The following SLFN12L variants were observed in gnomAD, a reference collection of about 807,000 sequenced individuals.
SLFN12L encodes the protein schlafen family member 12 like, also known as schlafen family member 12-like.
Under a neutral mutation model 34.8 loss-of-function variants are expected in SLFN12L, and 34 were observed. That is an observed-to-expected ratio of 0.98 (90% CI 0.74 to 1.30). The LOEUF (loss-of-function observed/expected upper bound fraction) is 1.30, where lower values mean the gene tolerates loss of function less well. Ranked by LOEUF, SLFN12L falls within the 50% of genes most tolerant of loss-of-function variation. The probability of loss-of-function intolerance (pLI) is 0.00; values close to 1 mark genes in which losing one functional copy is unlikely to be tolerated. For synonymous variants in SLFN12L, 259 were observed against 247.5 expected (o/e 1.05, Z -0.44); for missense variants, 703 against 696.2 (o/e 1.01, Z -0.11).
rs9892966 is a variant in SLFN12L, at chr17:35,474,650, G to A, written c.*273C>T. 7.8e-3 allele frequency: 2,420 copies of A among 309,432 alleles called. 63 individuals carry two copies. Among genetic ancestry groups the A allele is most frequent in the African/African-American group, 0.049 (2,168 of 44,492 alleles). The allele number at this position is 309,432 out of a possible 1,614,324, so 19.2% of individuals were successfully genotyped here. On this transcript the variant is annotated 3_prime_UTR_variant, in exon 5 of 5. Coordinates refer to ENST00000628453, the MANE Select transcript of SLFN12L (RefSeq NM_001363830.2). ...AAGAATTGATTCTCCAGCCGGGCGC[G>A]GTGGCTCACATCTGTACTCCTAGCA...
At chr17:35,477,416 A>C (rs923846527) in intron 4 of SLFN12L, among the ~76,000 whole-genome samples, 1 of 152,198 alleles carries the variant, frequency 6.6e-6, no homozygotes, top group Non-Finnish European at 1.5e-5. Flanking sequence ...AAAATTTTTA[A>C]ATGGCAAGTT....
rs1469426736 is a variant in SLFN12L at position 35,522,763 on chromosome 17, G to A, written c.-399C>T. On this transcript the variant is annotated 5_prime_UTR_variant, in exon 2 of 5. Coordinates refer to ENST00000628453, the MANE Select transcript of SLFN12L (RefSeq NM_001363830.2). ...AGTGCAGTAGTCCTGGCCCTGCCAG[G>A]GCTGTTCTATGCTATCAGCAGAGCA... is the stretch of plus-strand genomic sequence containing the variant. 2 of 1,606,088 alleles carry A rather than the reference G, an allele frequency of 1.2e-6. No individual in the cohort carries two copies. Among genetic ancestry groups the A allele is most frequent in the Non-Finnish European group, 1.7e-6 (2 of 1,174,000 alleles).
chr17:35,532,422 A>C (rs2072420225), intron 1 of SLFN12L, among the ~76,000 whole-genome samples: 1 of 147,654 alleles, frequency 6.8e-6, no homozygotes, highest in South Asian at 2.2e-4. Context: ...CCTGTGCAAA[A>C]GGGAGTGAGA....
chr17:35,464,860 GT>G lies in SLFN12L; in HGVS notation c.*10062del, dbSNP rs1567633916. Among the ~76,000 whole-genome samples the G allele has an allele frequency of 6.6e-6, 1 of 151,988 alleles. No homozygotes were observed. The highest frequency in any genetic ancestry group is 2.4e-5 in the African/African-American group (1 of 41,372). On this transcript the variant is annotated 3_prime_UTR_variant, in exon 5 of 5. Coordinates refer to ENST00000628453, the MANE Select transcript of SLFN12L (RefSeq NM_001363830.2). ...TCGTGATTGGGTTTAGAACTGTAAGGTTTTTTGTTTTCTGTTTTTTGCTTTT... is the reference window on the plus strand; with the variant it reads ...TCGTGATTGGGTTTAGAACTGTAAGGTTTTTGTTTTCTGTTTTTTGCTTTT...
chr17:35,464,861 T>C lies in SLFN12L; in HGVS notation c.*10062A>G, dbSNP rs1400168975. On this transcript the variant is annotated 3_prime_UTR_variant, in exon 5 of 5. Coordinates refer to ENST00000628453, the MANE Select transcript of SLFN12L (RefSeq NM_001363830.2). ...CGTGATTGGGTTTAGAACTGTAAGG[T>C]TTTTTGTTTTCTGTTTTTTGCTTTT... Among the ~76,000 whole-genome samples, 1 of 151,780 alleles carries C rather than the reference T, an allele frequency of 6.6e-6. No individual in the cohort carries two copies. Among genetic ancestry groups the C allele is most frequent in the Admixed American group, 6.6e-5 (1 of 15,202 alleles).
intron 1 of SLFN12L, among the ~76,000 whole-genome samples, chr17:35,529,620 C>G (rs948847872): frequency 6.6e-6 from 1 of 151,624 alleles, no homozygotes; most frequent in Non-Finnish European, 1.5e-5. Context: ...CACATGTTCT[C>G]TCTCATAAGT....
intron 2 of SLFN12L, among the ~76,000 whole-genome samples, chr17:35,489,684 C>A (rs1229789951): frequency 6.6e-6 from 1 of 152,142 alleles, no homozygotes; most frequent in Admixed American, 6.5e-5. Flanking sequence ...GGCCTATTCA[C>A]TGCATTAATG....
intron 2 of SLFN12L, chr17:35,498,697 A>G: frequency 6.4e-7 from 1 of 1,572,718 alleles, no homozygotes; most frequent in Non-Finnish European, 8.6e-7. Context: ...TTCCTAGATA[A>G]CAATTACGTG....
At position 35,474,753 on chromosome 17, in the gene SLFN12L, A is replaced by T; in HGVS notation, c.*170T>A. 1.9e-6 allele frequency: 1 copy of T among 529,924 alleles called. No homozygotes were observed. The highest frequency in any genetic ancestry group is 3.1e-6 in the Non-Finnish European group (1 of 321,964). The allele number at this position is 529,924 out of a possible 1,614,324, so 32.8% of individuals were successfully genotyped here. Reference sequence around the variant, plus strand: ...AGCCTGGCCAAGACGGTGAAACCCCATCTCTGCTAAAAATACAAAAAAAAA... The same window carrying T: ...AGCCTGGCCAAGACGGTGAAACCCCTTCTCTGCTAAAAATACAAAAAAAAA... On this transcript the variant is annotated 3_prime_UTR_variant, in exon 5 of 5. Coordinates refer to ENST00000628453, the MANE Select transcript of SLFN12L (RefSeq NM_001363830.2).
intron 2 of SLFN12L, among the ~76,000 whole-genome samples, chr17:35,516,302 T>C (rs1915828225): frequency 6.6e-6 from 1 of 152,156 alleles, no homozygotes. Context: ...ATTTTCCAGC[T>C]CCCCAGCATA....
chr17:35,468,815 A>C lies in SLFN12L; in HGVS notation c.*6108T>G, dbSNP rs1343026689. ...CAGGACTGCTTAATCCCAGGAGTTCAAACCAGCCTGGGCAACATGGGGAGA... is the reference window on the plus strand; with the variant it reads ...CAGGACTGCTTAATCCCAGGAGTTCCAACCAGCCTGGGCAACATGGGGAGA... On this transcript the variant is annotated 3_prime_UTR_variant, in exon 5 of 5. Transcript: ENST00000628453. Among the ~76,000 whole-genome samples, 5 of 152,130 alleles carry C rather than the reference A, an allele frequency of 3.3e-5. No homozygotes were observed. The highest frequency in any genetic ancestry group is 1.9e-4 in the East Asian group (1 of 5,188).
intron 2 of SLFN12L, chr17:35,498,448 G>T: frequency 7.6e-7 from 1 of 1,311,788 alleles, no homozygotes. Flanking sequence ...GGACGACTGC[G>T]GAATTTTCTC....
chr17:35,476,324 G>A (rs887712573), intron 4 of SLFN12L, among the ~76,000 whole-genome samples: 1 of 152,046 alleles, frequency 6.6e-6, no homozygotes, highest in African/African-American at 2.4e-5. Context: ...ACTAGGGCTG[G>A]GTGTGGTGGC....
chr17:35,480,247 C>G (rs1914274447), intron 2 of SLFN12L, 52 bp from the exon 3 acceptor site: 1 of 1,381,532 alleles, frequency 7.2e-7, no homozygotes, highest in African/African-American at 1.5e-5. Context: ...ACAGCAAATT[C>G]TGCATTATGA....
chr17:35,482,320 C>T (rs1350083170), intron 2 of SLFN12L, among the ~76,000 whole-genome samples: 1 of 152,154 alleles, frequency 6.6e-6, no homozygotes, highest in East Asian at 1.9e-4. Flanking sequence ...GATTAGTGCT[C>T]TTCTAAAAGG....
intron 2 of SLFN12L, among the ~76,000 whole-genome samples, chr17:35,512,749 G>T (rs1915694456): frequency 6.6e-6 from 1 of 152,234 alleles, no homozygotes; most frequent in Admixed American, 6.5e-5. Context: ...ATAAGAAAAT[G>T]CACTTGGCTT....
intron 2 of SLFN12L, among the ~76,000 whole-genome samples, chr17:35,488,789 G>A (rs1299796167): frequency 6.6e-6 from 1 of 152,168 alleles, no homozygotes. Context: ...TATATAGCTG[G>A]CCGGGCGCGG....
At chr17:35,489,560 T>C (rs1293625097) in intron 2 of SLFN12L, among the ~76,000 whole-genome samples, 1 of 151,834 alleles carries the variant, frequency 6.6e-6, no homozygotes, top group African/African-American at 2.4e-5. Context: ...TCCGTATATA[T>C]ATGTACATAT....
chr17:35,535,952 G>A (rs1297463601), intron 1 of SLFN12L, among the ~76,000 whole-genome samples: 4 of 142,506 alleles, frequency 2.8e-5, no homozygotes, highest in African/African-American at 7.7e-5. Context: ...CACCACACCC[G>A]GCCCTGGCTA....
Sources: allele counts gnomAD v4.1 joint callset (sites outside exome capture counted in the v4.1 genomes callset), GRCh38; gene constraint gnomAD v4.1.1; transcripts MANE v1.5; gene names NCBI Gene and HGNC (gene_info 2026-07-23, HGNC 2026-07-21).